Variants in HOMER1 observed in about 807,000 individuals in gnomAD.
HOMER1 encodes homer scaffold protein 1, also known as homer protein homolog 1.
HOMER1 carries 3 observed loss-of-function variants against 48.9 expected under a neutral mutation model. The ratio of observed to expected loss-of-function variants is 0.06; its 90% CI spans 0.03 to 0.16. The LOEUF (loss-of-function observed/expected upper bound fraction) is 0.16, where lower values mean the gene tolerates loss of function less well. Ranked by LOEUF, HOMER1 falls within the 10% of genes least tolerant of loss-of-function variation. The pLI, the probability that HOMER1 is intolerant of heterozygous loss-of-function variation, is 1.00. For synonymous variants in HOMER1, 134 were observed against 146.4 expected (o/e 0.92, Z 0.61); for missense variants, 247 against 411.4 (o/e 0.60, Z 3.46).
At chr5:79,478,151 G>A (rs965147696) in intron 1 of HOMER1, among the ~76,000 whole-genome samples, 1 of 152,144 alleles carries the variant, frequency 6.6e-6, no homozygotes, top group Non-Finnish European at 1.5e-5. Flanking sequence ...CAAAATCAGA[G>A]TTCTTTCTAT....
rs1380054024 is a variant in HOMER1 at position 79,374,545 on chromosome 5, G to A, written c.*1464C>T. On this transcript the variant is annotated 3_prime_UTR_variant, in exon 9 of 9. Coordinates refer to ENST00000334082, the MANE Select transcript of HOMER1 (RefSeq NM_004272.5). ...GTACTTAACAATTCGATCATTTTGG[G>A]GTACAAACAAGAAGTCAGTGCATTT... 1 of 151,744 alleles carries A rather than the reference G, an allele frequency of 6.6e-6. No homozygotes were observed. The highest frequency in any genetic ancestry group is 1.5e-5 in the Non-Finnish European group (1 of 67,836). The allele number at this position is 151,744 out of a possible 1,614,324, so 9.4% of individuals were successfully genotyped here. A position where few individuals can be genotyped will look rare whatever the true frequency, so the allele number is the denominator to read the frequency against.
intron 8 of HOMER1, among the ~76,000 whole-genome samples, chr5:79,383,092 C>T (rs538848956): frequency 6.6e-6 from 1 of 152,242 alleles, no homozygotes; most frequent in South Asian, 2.1e-4. Flanking sequence ...ATACCTATAT[C>T]AGATAAAATA....
chr5:79,506,148 C>T (rs1223841892), intron 1 of HOMER1, among the ~76,000 whole-genome samples: 1 of 151,642 alleles, frequency 6.6e-6, no homozygotes, highest in Non-Finnish European at 1.5e-5. Context: ...GAGTTTCCCT[C>T]TGGTTGCCCA....
intron 1 of HOMER1, among the ~76,000 whole-genome samples, chr5:79,512,513 G>T (rs1015367753): frequency 2.0e-5 from 3 of 152,154 alleles, no homozygotes; most frequent in Non-Finnish European, 4.4e-5. Flanking sequence ...TGTAGAATGC[G>T]TTGTCTTTGT....
intron 8 of HOMER1, among the ~76,000 whole-genome samples, chr5:79,385,221 T>C (rs1749078731): frequency 6.6e-6 from 1 of 152,086 alleles, no homozygotes; most frequent in African/African-American, 2.4e-5. Context: ...TGTCTATGAC[T>C]TCAAAAACAC....
chr5:79,400,913 TAAAAAA>T (rs1320488734), intron 6 of HOMER1, among the ~76,000 whole-genome samples: 1 of 127,836 alleles, frequency 7.8e-6, no homozygotes, highest in African/African-American at 3.0e-5. Flanking sequence ...CTTGGTTAAT[TAAAAAA>T]AAAAAAGAAA....
At chr5:79,503,735 A>G (rs1752672109) in intron 1 of HOMER1, among the ~76,000 whole-genome samples, 1 of 151,978 alleles carries the variant, frequency 6.6e-6, no homozygotes, top group Non-Finnish European at 1.5e-5. Flanking sequence ...CAAAAAAAAA[A>G]AAAAAGAAAG....
rs1484072991 is a variant in HOMER1, at chr5:79,512,945, T to A, written c.-171A>T. On this transcript the variant is annotated 5_prime_UTR_variant, in exon 1 of 9. Transcript: ENST00000334082. ...ATTCAATTAGTTCTCTTAGGTAAAATGATTTCTCTCTTGTAAATACCAAAA... is the reference window on the plus strand; with the variant it reads ...ATTCAATTAGTTCTCTTAGGTAAAAAGATTTCTCTCTTGTAAATACCAAAA... 1 of 629,368 alleles carries A rather than the reference T, an allele frequency of 1.6e-6. No individual in the cohort carries two copies. The highest frequency in any genetic ancestry group is 2.8e-6 in the Non-Finnish European group (1 of 353,534). The allele number at this position is 629,368 out of a possible 1,614,324, so 39.0% of individuals were successfully genotyped here.
intron 1 of HOMER1, among the ~76,000 whole-genome samples, chr5:79,497,628 C>T (rs970482835): frequency 1.3e-4 from 19 of 144,802 alleles, no homozygotes; most frequent in East Asian, 1.2e-3. Context: ...TCGTGTACTG[C>T]AGCCCAGGAG....
chr5:79,392,051 T>C (rs1749267601), intron 8 of HOMER1, among the ~76,000 whole-genome samples: 2 of 152,182 alleles, frequency 1.3e-5, no homozygotes, highest in African/African-American at 4.8e-5. Flanking sequence ...TAAATAAATC[T>C]ACCGTGCTGT....
At chr5:79,438,942 G>C in intron 5 of HOMER1, 68 bp downstream of exon 5, 1 of 1,401,324 alleles carries the variant, frequency 7.1e-7, no homozygotes, top group Non-Finnish European at 1.0e-6. Context: ...AACTACAAGG[G>C]TTCCTGAAAC....
rs1053802427 is a variant in HOMER1 at position 79,498,074 on chromosome 5, G to T, written c.5+14696C>A. Among the ~76,000 whole-genome samples, 78 of 152,184 alleles carry T rather than the reference G, an allele frequency of 5.1e-4. 1 individual carries two copies. The highest frequency in any genetic ancestry group is 5.1e-3 in the Admixed American group (78 of 15,276). On this transcript the variant is annotated intron_variant, in intron 1 of 8. Coordinates refer to ENST00000334082, the MANE Select transcript of HOMER1 (RefSeq NM_004272.5). ...TTCTGCCACTGTCATACTAGACTCT[G>T]ATGCTCTGGTCTTCCTTCTTCAGTC...
At chr5:79,407,411 GAAGT>G (rs1205804074) in intron 5 of HOMER1, among the ~76,000 whole-genome samples, 2 of 152,152 alleles carry the variant, frequency 1.3e-5, no homozygotes, top group African/African-American at 2.4e-5. Context: ...ATAAATCAAG[GAAGT>G]AAGATAGCAA....
At chr5:79,425,562 T>TA (rs1159368748) in intron 5 of HOMER1, among the ~76,000 whole-genome samples, 1 of 152,096 alleles carries the variant, frequency 6.6e-6, no homozygotes, top group Middle Eastern at 3.2e-3. Context: ...ACTTCGAAGA[T>TA]AAAGTACAGC....
chr5:79,508,482 G>A (rs1752838315), intron 1 of HOMER1, among the ~76,000 whole-genome samples: 1 of 152,164 alleles, frequency 6.6e-6, no homozygotes, highest in Non-Finnish European at 1.5e-5. Flanking sequence ...GATCTACATG[G>A]TTCTCCAACC....
chr5:79,419,924 A>T (rs571325561), intron 5 of HOMER1, among the ~76,000 whole-genome samples: 2 of 152,342 alleles, frequency 1.3e-5, no homozygotes, highest in African/African-American at 4.8e-5. Context: ...TTTCTATACA[A>T]TTTGGGCATT....
chr5:79,396,268 G>C, intron 8 of HOMER1, among the ~76,000 whole-genome samples: 1 of 151,224 alleles, frequency 6.6e-6, no homozygotes, highest in Non-Finnish European at 1.5e-5. Flanking sequence ...ACAACTATTG[G>C]TATAATTCAT....
chr5:79,421,839 C>G (rs1462588133), intron 5 of HOMER1, among the ~76,000 whole-genome samples: 1 of 152,082 alleles, frequency 6.6e-6, no homozygotes, highest in Non-Finnish European at 1.5e-5. Flanking sequence ...AACTCCTGAC[C>G]TCAGGTGATC....
chr5:79,399,408 A>T (rs1749477555), intron 6 of HOMER1, among the ~76,000 whole-genome samples: 2 of 152,176 alleles, frequency 1.3e-5, no homozygotes, highest in African/African-American at 4.8e-5. Flanking sequence ...AAAGAACTAA[A>T]CTGCGATGGT....
Sources: gnomAD v4.1 joint callset for allele counts (sites outside exome capture counted in the v4.1 genomes callset) on GRCh38, gnomAD v4.1.1 for gene constraint, MANE v1.5 for transcripts, NCBI Gene and HGNC (gene_info 2026-07-23, HGNC 2026-07-21) for gene names.